Variants in FANCA observed in about 807,000 individuals in gnomAD.
The protein encoded by FANCA is FA complementation group A, also known as Fanconi anemia group A protein.
A neutral mutation model predicts 194.3 loss-of-function variants in FANCA; 236 were observed. The observed-to-expected ratio is 1.21, with a 90% CI of 1.09 to 1.35. The LOEUF (loss-of-function observed/expected upper bound fraction) is 1.35, where lower values mean the gene tolerates loss of function less well. FANCA is among the 40% of genes most tolerant of loss of function. The probability of loss-of-function intolerance (pLI) is 0.00; values close to 1 mark genes in which losing one functional copy is unlikely to be tolerated. For synonymous variants in FANCA, 1,014 were observed against 715.8 expected, an observed-to-expected ratio of 1.42 and a Z score of -6.65; for missense variants, 2,628 against 1,813.9, an observed-to-expected ratio of 1.45 and a Z score of -8.15.
intron 26 of FANCA, 108 bp downstream of exon 26, chr16:89,769,729 T>A (rs976235798): frequency 1.3e-4 from 170 of 1,300,200 alleles, no homozygotes; most frequent in Non-Finnish European, 1.8e-4. Flanking sequence ...AAAGTGGTTA[T>A]CTTTGGGTGG....
rs1276452090 is a variant in FANCA, at chr16:89,748,686, C to T, written c.3321G>A (p.Gln1107=). 9 of 1,614,012 alleles carry T rather than the reference C, an allele frequency of 5.6e-6. No homozygotes were observed. The highest frequency in any genetic ancestry group is 1.6e-4 in the Middle Eastern group (1 of 6,084). ...TCTCAGAGTTGACCAAGTGGAAGAA[C>T]TGCTCGCATCTGGCAGTGATGGGCT... ...AEQPITARCE[Q]FFHLVNSEMR... Residue 1107 remains glutamine (Q), a synonymous_variant, in exon 33 of 43, where the codon CAG becomes CAA. Coordinates refer to ENST00000389301, the MANE Select transcript of FANCA (RefSeq NM_000135.4).
At chr16:89,798,443 T>A in intron 10 of FANCA, 1 of 1,089,132 alleles carries the variant, frequency 9.2e-7, no homozygotes, top group African/African-American at 1.6e-5. Flanking sequence ...ACAGTTACTG[T>A]GAGGGATGGG....
intron 26 of FANCA, among the ~76,000 whole-genome samples, chr16:89,768,186 G>T (rs1403491542): frequency 6.6e-6 from 1 of 152,078 alleles, no homozygotes; most frequent in African/African-American, 2.4e-5. Context: ...GCTGAGGTGG[G>T]AAGATCACTT....
At chr16:89,776,313 G>A (rs2039504107) in intron 20 of FANCA, among the ~76,000 whole-genome samples, 2 of 151,094 alleles carry the variant, frequency 1.3e-5, no homozygotes, top group South Asian at 4.2e-4. Flanking sequence ...GATTACAGGC[G>A]CCTGCCACCA....
intron 18 of FANCA, among the ~76,000 whole-genome samples, chr16:89,779,261 G>C (rs1000597838): frequency 2.0e-5 from 3 of 152,100 alleles, no homozygotes; most frequent in Admixed American, 6.6e-5. Flanking sequence ...ATCAATCTGA[G>C]GCCACGAGGA....
intron 11 of FANCA, among the ~76,000 whole-genome samples, chr16:89,795,154 A>T (rs2040200505): frequency 6.6e-6 from 1 of 150,768 alleles, no homozygotes; most frequent in Non-Finnish European, 1.5e-5. Flanking sequence ...GCATGGTGGC[A>T]CATGCCCGTA....
intron 29 of FANCA, among the ~76,000 whole-genome samples, chr16:89,759,835 G>T (rs1567610697): frequency 6.6e-6 from 1 of 152,200 alleles, no homozygotes; most frequent in Non-Finnish European, 1.5e-5. Context: ...GCCACAACCA[G>T]GAAAACGCTC....
In FANCA at chr16:89,738,581, G is replaced by C. The variant is rs761241462; in HGVS notation, c.*20C>G. 3.1e-6 allele frequency: 5 copies of C among 1,613,016 alleles called. No homozygotes were observed. The highest frequency in any genetic ancestry group is 4.2e-6 in the Non-Finnish European group (5 of 1,180,028). ...AATTATTTACACGGGAGCTGGGCTG[G>C]TGTGCAGTGGCAGGTCCCGTCAGAA... On this transcript the variant is annotated 3_prime_UTR_variant, in exon 43 of 43. Transcript: ENST00000389301.
chr16:89,791,150 G>A (rs2040061746), intron 14 of FANCA: 2 of 556,028 alleles, frequency 3.6e-6, no homozygotes, highest in Non-Finnish European at 6.4e-6. Flanking sequence ...AGAAACCAGG[G>A]GAAGGAGCTG....
At chr16:89,741,569 C>T (rs2062134936) in intron 37 of FANCA, among the ~76,000 whole-genome samples, 1 of 152,170 alleles carries the variant, frequency 6.6e-6, no homozygotes, top group Non-Finnish European at 1.5e-5. Context: ...GCTCCCTGCA[C>T]AGAGAGCTGT....
chr16:89,760,275 G>A (rs1261860275), intron 29 of FANCA, among the ~76,000 whole-genome samples: 1 of 152,230 alleles, frequency 6.6e-6, no homozygotes, highest in African/African-American at 2.4e-5. Context: ...GGCTTGGCAC[G>A]ACCTGAACCA....
chr16:89,785,215 C>T lies in FANCA; in HGVS notation c.1360-251G>A, dbSNP rs1307398205. On this transcript the variant is annotated intron_variant, in intron 14 of 42. Coordinates refer to ENST00000389301, the MANE Select transcript of FANCA (RefSeq NM_000135.4). The stretch of plus-strand genomic sequence containing the variant: ...AAAAGTCATGTGGTTCATACATTTA[C>T]AGATGTCACGACTGCGCTTTGACTG... 3.3e-5 allele frequency among the ~76,000 whole-genome samples: 5 copies of T among 152,216 alleles called. No individual in the cohort carries two copies. In the East Asian group the frequency reaches 7.7e-4, roughly 23 times the overall value.
chr16:89,788,259 G>A (rs1016852337), intron 14 of FANCA, among the ~76,000 whole-genome samples: 2 of 151,626 alleles, frequency 1.3e-5, no homozygotes, highest in South Asian at 2.1e-4. Context: ...TCAAGAGATC[G>A]AGACCATCCT....
Position 89,745,921 on chromosome 16 carries a change from A to G in FANCA, c.3513+663T>C, listed in dbSNP as rs190103086. Among the ~76,000 whole-genome samples the G allele has an allele frequency of 2.8e-3, 432 of 152,336 alleles. 2 individuals are homozygous for G. The highest frequency in any genetic ancestry group is 6.7e-3 in the Admixed American group (102 of 15,296). ...AGTTCATTTCTCACGAATTCCACCA[A>G]CTGAGCTACAACTCGGTGCAAATGC... On this transcript the variant is annotated intron_variant, in intron 35 of 42. Transcript: ENST00000389301.
At chr16:89,779,208 G>T (rs1214203850) in intron 18 of FANCA, among the ~76,000 whole-genome samples, 1 of 152,102 alleles carries the variant, frequency 6.6e-6, no homozygotes, top group South Asian at 2.1e-4. Flanking sequence ...TGGGAATCAG[G>T]ACCACATTCG....
intron 38 of FANCA, 88 bp downstream of exon 38, chr16:89,740,716 G>A: frequency 2.7e-6 from 3 of 1,111,486 alleles, no homozygotes; most frequent in Admixed American, 1.9e-5. Context: ...GAGCTAGTCT[G>A]GAAACCCTGA....
At chr16:89,769,564 A>C (rs2039248969) in intron 26 of FANCA, 1 of 482,596 alleles carries the variant, frequency 2.1e-6, no homozygotes, top group African/African-American at 2.0e-5. Context: ...CCAGGACATC[A>C]AAGAATGCTT....
At chr16:89,769,664 A>G (rs181634820) in intron 26 of FANCA, 173 bp downstream of exon 26, 37 of 718,462 alleles carry the variant, frequency 5.1e-5, no homozygotes, top group Middle Eastern at 3.3e-4. Context: ...AAACGCACGC[A>G]TATTATAAAC....
At chr16:89,777,841 T>C (rs571904431) in intron 20 of FANCA, among the ~76,000 whole-genome samples, 1 of 151,676 alleles carries the variant, frequency 6.6e-6, no homozygotes, top group South Asian at 2.1e-4. Flanking sequence ...TGCACAATCA[T>C]TATGTACTGA....
Sources: gnomAD v4.1 joint callset for allele counts (sites outside exome capture counted in the v4.1 genomes callset) on GRCh38, gnomAD v4.1.1 for gene constraint, MANE v1.5 for transcripts, NCBI Gene and HGNC (gene_info 2026-07-23, HGNC 2026-07-21) for gene names.